The following PTPRD variants were observed in gnomAD, a reference collection of about 807,000 sequenced individuals.
PTPRD encodes protein tyrosine phosphatase receptor type D, also known as receptor-type tyrosine-protein phosphatase delta.
Under a neutral mutation model 214.5 loss-of-function variants are expected in PTPRD, and 34 were observed. That is an observed-to-expected ratio of 0.16 (90% confidence interval 0.12 to 0.21). PTPRD has a LOEUF of 0.21. PTPRD is among the 10% of genes least tolerant of loss of function. PTPRD has a pLI of 1.00. For missense variants in PTPRD, 2,545 were observed against 2,398.7 expected (o/e 1.06, Z -1.27); for synonymous variants, 1,128 against 845.7 (o/e 1.33, Z -5.79).
intron 3 of PTPRD, among the ~76,000 whole-genome samples, chr9:10,097,313 A>G (rs1265697140): frequency 8.2e-6 from 1 of 122,628 alleles, no homozygotes; most frequent in Admixed American, 9.1e-5. Flanking sequence ...CATTGAATCT[A>G]TAAATTACGT....
intron 7 of PTPRD, among the ~76,000 whole-genome samples, chr9:9,611,951 C>T (rs1437885707): frequency 6.6e-6 from 1 of 151,940 alleles, no homozygotes; most frequent in Non-Finnish European, 1.5e-5. Flanking sequence ...ACTTTATATA[C>T]TTTCACAAGA....
At chr9:10,429,278 G>T (rs1350570576) in intron 2 of PTPRD, among the ~76,000 whole-genome samples, 1 of 151,770 alleles carries the variant, frequency 6.6e-6, no homozygotes, top group Non-Finnish European at 1.5e-5. Context: ...AGTATGAAGA[G>T]TTCGCAAAGA....
At chr9:10,360,946 CA>C (rs934924244) in intron 2 of PTPRD, among the ~76,000 whole-genome samples, 1 of 151,464 alleles carries the variant, frequency 6.6e-6, no homozygotes, top group Non-Finnish European at 1.5e-5. Context: ...ACTAAAAATA[CA>C]AAAAATTAGC....
chr9:8,439,749 T>A (rs928603534), intron 34 of PTPRD, among the ~76,000 whole-genome samples: 2 of 151,596 alleles, frequency 1.3e-5, no homozygotes, highest in African/African-American at 2.4e-5. Context: ...TGAAAAAAAA[T>A]GTTATATGAT....
chr9:9,967,755 C>A (rs916771873), intron 4 of PTPRD, among the ~76,000 whole-genome samples: 1 of 152,034 alleles, frequency 6.6e-6, no homozygotes, highest in Non-Finnish European at 1.5e-5. Flanking sequence ...TCTTTAAGAA[C>A]TATTGATATA....
At chr9:10,521,900 T>A (rs1189132769) in intron 2 of PTPRD, among the ~76,000 whole-genome samples, 1 of 152,154 alleles carries the variant, frequency 6.6e-6, no homozygotes, top group African/African-American at 2.4e-5. Context: ...CCAAAAAATA[T>A]GTACAATGTG....
At chr9:8,848,232 G>A (rs1448230278) in intron 11 of PTPRD, among the ~76,000 whole-genome samples, 1 of 150,254 alleles carries the variant, frequency 6.7e-6, no homozygotes, top group Non-Finnish European at 1.5e-5. Context: ...AATGCCTCCA[G>A]TCCCAAGCAG....
At chr9:10,031,647 T>TATATACATACACACACACACACAC in intron 4 of PTPRD, among the ~76,000 whole-genome samples, 1 of 89,692 alleles carries the variant, frequency 1.1e-5, no homozygotes, top group African/African-American at 8.1e-5. Context: ...TATATATATA[T>TATATACATACACACACACACACAC]ACACACACAC....
chr9:10,001,948 TAA>T (rs1338747849), intron 4 of PTPRD, among the ~76,000 whole-genome samples: 1 of 152,004 alleles, frequency 6.6e-6, no homozygotes, highest in Non-Finnish European at 1.5e-5. Flanking sequence ...CTACCTGACT[TAA>T]GAGATAACTG....
At chr9:9,593,850 T>C (rs924185037) in intron 7 of PTPRD, among the ~76,000 whole-genome samples, 7 of 152,006 alleles carry the variant, frequency 4.6e-5, no homozygotes, top group African/African-American at 9.7e-5. Flanking sequence ...CACCAACTAA[T>C]TGTGCAGAAG....
chr9:8,548,987 G>A (rs1044968134), intron 14 of PTPRD, among the ~76,000 whole-genome samples: 17 of 152,064 alleles, frequency 1.1e-4, no homozygotes, highest in African/African-American at 3.9e-4. Context: ...CACCGTGCCC[G>A]GGCCACAGCT....
At chr9:9,551,041 G>T (rs563571293) in intron 8 of PTPRD, among the ~76,000 whole-genome samples, 1 of 151,966 alleles carries the variant, frequency 6.6e-6, no homozygotes, top group African/African-American at 2.4e-5. Context: ...AATTTATCAT[G>T]CAAATTTAAT....
chr9:8,483,678 C>A (rs946867916), intron 30 of PTPRD, among the ~76,000 whole-genome samples: 1 of 152,164 alleles, frequency 6.6e-6, no homozygotes, highest in Non-Finnish European at 1.5e-5. Context: ...ACTTGTGACG[C>A]TGAGGCAAGG....
At chr9:9,665,108 T>C (rs2096693505) in intron 7 of PTPRD, among the ~76,000 whole-genome samples, 1 of 151,690 alleles carries the variant, frequency 6.6e-6, no homozygotes, top group Non-Finnish European at 1.5e-5. Flanking sequence ...TGTGTGCATC[T>C]ATGTGTGTAT....
chr9:10,480,632 CAT>C (rs1367833930), intron 2 of PTPRD, among the ~76,000 whole-genome samples: 4 of 151,692 alleles, frequency 2.6e-5, no homozygotes, highest in Non-Finnish European at 5.9e-5. Context: ...AAAATATTAA[CAT>C]ATTTATACAA....
chr9:10,482,093 C>G (rs184416987), intron 2 of PTPRD, among the ~76,000 whole-genome samples: 35 of 152,092 alleles, frequency 2.3e-4, no homozygotes, highest in Admixed American at 7.2e-4. Flanking sequence ...AAATGTTGGC[C>G]GGGCGCGGTG....
intron 10 of PTPRD, among the ~76,000 whole-genome samples, chr9:9,070,701 G>A (rs1355983521): frequency 6.6e-6 from 1 of 152,128 alleles, no homozygotes; most frequent in Non-Finnish European, 1.5e-5. Flanking sequence ...AGCCTCATTT[G>A]AAGATCCTAT....
intron 2 of PTPRD, among the ~76,000 whole-genome samples, chr9:10,560,301 T>G (rs541080172): frequency 1.3e-5 from 2 of 151,564 alleles, no homozygotes; most frequent in African/African-American, 2.4e-5. Flanking sequence ...AGTAAACTAT[T>G]GCAAGAACAA....
At chr9:10,473,653 A>T (rs574301863) in intron 2 of PTPRD, among the ~76,000 whole-genome samples, 19 of 152,048 alleles carry the variant, frequency 1.2e-4, no homozygotes, top group Non-Finnish European at 2.6e-4. Flanking sequence ...ATTTTTTATG[A>T]ACTCAATATT....
Sources: allele counts gnomAD v4.1 joint callset (sites outside exome capture counted in the v4.1 genomes callset), GRCh38; gene constraint gnomAD v4.1.1; transcripts MANE v1.5; gene names NCBI Gene and HGNC (gene_info 2026-07-23, HGNC 2026-07-21).